The following KALRN variants were observed in gnomAD, a reference collection of about 807,000 sequenced individuals.
KALRN encodes the protein kalirin.
KALRN carries 70 observed loss-of-function variants against 353.7 expected under a neutral mutation model. The ratio of observed to expected loss-of-function variants is 0.20; its 90% CI spans 0.16 to 0.24. KALRN has a LOEUF of 0.24. Among genes scored for constraint, KALRN ranks in the 10% least tolerant of loss-of-function variants. The pLI is 1.00. For synonymous variants in KALRN, 1,391 were observed against 1,434.8 expected (o/e 0.97, Z 0.69); for missense variants, 2,791 against 3,756.7 (o/e 0.74, Z 6.72).
intron 1 of KALRN, chr3:124,164,713 C>G (rs191971970): frequency 6.6e-6 from 1 of 152,028 alleles, no homozygotes; most frequent in Admixed American, 6.6e-5. Flanking sequence ...TTCTTTTTTC[C>G]TATCCCTTTC....
At chr3:124,199,641 G>A (rs546587184) in intron 1 of KALRN, among the ~76,000 whole-genome samples, 2 of 152,290 alleles carry the variant, frequency 1.3e-5, no homozygotes, top group East Asian at 3.9e-4. Flanking sequence ...AAGAGTAAAG[G>A]ATCTTGTGCA....
At chr3:124,388,188 A>G (rs1049037157) in intron 11 of KALRN, among the ~76,000 whole-genome samples, 1 of 152,224 alleles carries the variant, frequency 6.6e-6, no homozygotes, top group South Asian at 2.1e-4. Context: ...TTGCTTTGTA[A>G]TAATTATGAG....
chr3:124,195,969 G>A (rs1003572012), intron 1 of KALRN, among the ~76,000 whole-genome samples: 121 of 152,256 alleles, frequency 7.9e-4, no homozygotes, highest in African/African-American at 2.6e-3. Flanking sequence ...TTTCATCACC[G>A]ACTTTGTCCT....
chr3:124,664,414 CTT>C (rs747877590), intron 45 of KALRN, among the ~76,000 whole-genome samples: 4 of 137,550 alleles, frequency 2.9e-5, no homozygotes, highest in Admixed American at 7.3e-5. Flanking sequence ...CAGAATCAAG[CTT>C]TTTTTTTTTT....
chr3:124,197,468 G>A (rs180885703), intron 1 of KALRN, among the ~76,000 whole-genome samples: 34 of 152,030 alleles, frequency 2.2e-4, no homozygotes, highest in Admixed American at 1.8e-3. Context: ...ATCTTGTCTC[G>A]TAGATCCCAG....
At chr3:124,134,350 C>T (rs1368074481) in intron 1 of KALRN, among the ~76,000 whole-genome samples, 1 of 152,168 alleles carries the variant, frequency 6.6e-6, no homozygotes, top group Non-Finnish European at 1.5e-5. Flanking sequence ...GAAACTGGAT[C>T]CTCATCTCTC....
At chr3:124,104,629 C>G (rs892970422) in intron 1 of KALRN, among the ~76,000 whole-genome samples, 1 of 152,262 alleles carries the variant, frequency 6.6e-6, no homozygotes. Flanking sequence ...AGGTATTGAG[C>G]AGTACCAAGG....
intron 10 of KALRN, among the ~76,000 whole-genome samples, chr3:124,351,607 G>C (rs1278746968): frequency 6.6e-6 from 1 of 152,192 alleles, no homozygotes; most frequent in African/African-American, 2.4e-5. Context: ...GGGTTAGGCA[G>C]TGTAAAGCCC....
At chr3:124,711,728 G>A (rs949285569) in intron 57 of KALRN, among the ~76,000 whole-genome samples, 1 of 152,170 alleles carries the variant, frequency 6.6e-6, no homozygotes, top group Non-Finnish European at 1.5e-5. Context: ...CGATAGGGAT[G>A]TAAACTGAAG....
intron 3 of KALRN, among the ~76,000 whole-genome samples, chr3:124,259,007 A>T (rs567773805): frequency 6.6e-6 from 1 of 152,256 alleles, no homozygotes; most frequent in Non-Finnish European, 1.5e-5. Context: ...GTTTAATATG[A>T]CAGGGATTTG....
chr3:124,200,210 GGT>G (rs2075828611), intron 1 of KALRN, among the ~76,000 whole-genome samples: 3 of 152,160 alleles, frequency 2.0e-5, no homozygotes, highest in African/African-American at 7.2e-5. Flanking sequence ...TGGAATATTT[GGT>G]AAGTAACTTC....
rs570885900 is a variant in KALRN, at chr3:124,391,146, A to G, written c.1963-3989A>G. Among the ~76,000 whole-genome samples, 4 of 152,278 alleles carry G rather than the reference A, an allele frequency of 2.6e-5. No homozygotes were observed. The East Asian group carries it at 5.8e-4, about 22-fold the overall frequency. On this transcript the variant is annotated intron_variant, in intron 11 of 59. Coordinates refer to ENST00000682506, the MANE Select transcript of KALRN (RefSeq NM_001388419.1). ...TACATGTATATATCAGCATGGAGCA[A>G]GCAACCATTGCCAAGAAGTGAGCGG...
At chr3:124,068,734 T>C (rs984478232) in intron 1 of KALRN, among the ~76,000 whole-genome samples, 2 of 152,048 alleles carry the variant, frequency 1.3e-5, no homozygotes, top group African/African-American at 4.8e-5. Context: ...AGTTGAATAA[T>C]GATTATTGAC....
intron 1 of KALRN, among the ~76,000 whole-genome samples, chr3:124,218,495 C>T (rs1342448309): frequency 2.0e-5 from 3 of 152,178 alleles, no homozygotes; most frequent in Admixed American, 1.3e-4. Flanking sequence ...TTCTCTGTTA[C>T]TTTGAGGACC....
intron 3 of KALRN, among the ~76,000 whole-genome samples, chr3:124,240,216 T>A (rs2080266541): frequency 6.6e-6 from 1 of 152,192 alleles, no homozygotes; most frequent in Non-Finnish European, 1.5e-5. Context: ...TCGTTAGTAA[T>A]CACCTTCCTT....
At chr3:124,311,378 G>A (rs774462003) in intron 6 of KALRN, among the ~76,000 whole-genome samples, 7 of 151,310 alleles carry the variant, frequency 4.6e-5, no homozygotes, top group African/African-American at 1.5e-4. Context: ...CAGGAGAATC[G>A]CTTGAACTCA....
chr3:124,679,377 G>A (rs763623963), intron 50 of KALRN, 81 bp from the exon 51 acceptor site: 1 of 1,250,106 alleles, frequency 8.0e-7, no homozygotes, highest in Non-Finnish European at 1.1e-6. Flanking sequence ...CTTCTCTGAA[G>A]TTCTCCTCTC....
At chr3:124,110,811 C>G (rs1430884782) in intron 1 of KALRN, among the ~76,000 whole-genome samples, 2 of 152,124 alleles carry the variant, frequency 1.3e-5, no homozygotes, top group Admixed American at 1.3e-4. Context: ...TGAAGCTTCC[C>G]CTCTGAGAGG....
At chr3:124,594,138 G>A (rs894023335) in intron 34 of KALRN, among the ~76,000 whole-genome samples, 5 of 152,152 alleles carry the variant, frequency 3.3e-5, no homozygotes, top group Admixed American at 1.3e-4. Context: ...TATGTTTACC[G>A]CTTTTTACTT....
Sources: gnomAD v4.1 joint callset for allele counts (sites outside exome capture counted in the v4.1 genomes callset) on GRCh38, gnomAD v4.1.1 for gene constraint, MANE v1.5 for transcripts, NCBI Gene and HGNC (gene_info 2026-07-23, HGNC 2026-07-21) for gene names.